Variants in GATA4 observed in about 807,000 individuals in gnomAD.
GATA4 encodes the protein GATA binding protein 4.
Under a neutral mutation model 37.9 loss-of-function variants are expected in GATA4, and 7 were observed. The observed-to-expected ratio is 0.18, with a 90% CI of 0.11 to 0.35. The LOEUF is 0.35. GATA4 is among the 10% of genes least tolerant of loss of function. The pLI is 1.00. For synonymous variants in GATA4, 372 were observed against 292.6 expected, an observed-to-expected ratio of 1.27 and a Z score of -2.77; for missense variants, 647 against 653.0, an observed-to-expected ratio of 0.99 and a Z score of 0.10.
Position 11,708,417 on chromosome 8 carries a change from G to T in GATA4, c.105G>T (p.Ser35=), listed in dbSNP as rs1799996550. 2.0e-6 allele frequency: 3 copies of T among 1,537,568 alleles called. No homozygotes were observed. The highest frequency in any genetic ancestry group is 2.6e-6 in the Non-Finnish European group (3 of 1,148,132). The change falls in exon 2 of 7, where the codon TCG becomes TCT. Residue 35 remains serine, a synonymous_variant. Coordinates refer to ENST00000532059, the MANE Select transcript of GATA4 (RefSeq NM_001308093.3). The surrounding 1 kb of genome is among the most constrained non-coding windows in gnomAD (Gnocchi z 6.7). ...TGCACGGCGCGGGCGCCGCGTCCTC[G>T]CCAGTCTACGTGCCCACACCGCGGG... ...AFMHGAGAAS[S]PVYVPTPRVP...
intron 2 of GATA4, among the ~76,000 whole-genome samples, chr8:11,719,945 C>T (rs750929057): frequency 4.1e-4 from 62 of 152,086 alleles, no homozygotes; most frequent in Non-Finnish European, 4.3e-4. Flanking sequence ...GTCCTTGAAG[C>T]GAGGTGCCCC....
intron 2 of GATA4, among the ~76,000 whole-genome samples, chr8:11,741,955 C>T (rs924339920): frequency 4.6e-5 from 7 of 152,224 alleles, no homozygotes; most frequent in African/African-American, 9.6e-5. Flanking sequence ...CGCTGGCCTG[C>T]GGTTAAGAGA....
intron 2 of GATA4, among the ~76,000 whole-genome samples, chr8:11,746,506 G>A (rs1260113093): frequency 1.3e-5 from 2 of 152,236 alleles, no homozygotes; most frequent in African/African-American, 4.8e-5. Context: ...TTTTGAGATG[G>A]TAGCGCCACC....
At chr8:11,728,589 C>T (rs1272686642) in intron 2 of GATA4, among the ~76,000 whole-genome samples, 1 of 151,868 alleles carries the variant, frequency 6.6e-6, no homozygotes. Flanking sequence ...TGCTCTGTTG[C>T]CCAGGCTGGA....
At chr8:11,695,305 C>T (rs962535876) in intron 1 of GATA4, among the ~76,000 whole-genome samples, 19 of 152,062 alleles carry the variant, frequency 1.2e-4, no homozygotes, top group African/African-American at 4.6e-4. Context: ...ACTTGGGAGG[C>T]TGAGGCAGGA....
chr8:11,679,173 T>A (rs1798872498), intron 1 of GATA4, among the ~76,000 whole-genome samples: 1 of 47,784 alleles, frequency 2.1e-5, no homozygotes, highest in Non-Finnish European at 6.4e-5. Context: ...ATTATCCGAA[T>A]AATTGCGGGG....
chr8:11,696,867 T>C (rs1585571388), intron 1 of GATA4, among the ~76,000 whole-genome samples: 2 of 152,214 alleles, frequency 1.3e-5, no homozygotes, highest in East Asian at 3.8e-4. Context: ...CTCTACCTGT[T>C]CTGAGCCCAC....
At position 11,756,897 on chromosome 8, in the gene GATA4, G is replaced by T. The variant is rs1236927296; in HGVS notation, c.1001-38G>T. 3 of 1,614,020 alleles carry T rather than the reference G, an allele frequency of 1.9e-6. No individual in the cohort carries two copies. The African/African-American group carries it at 4.0e-5, about 22-fold the overall frequency. On this transcript the variant is annotated intron_variant, in intron 5 of 6. Transcript: ENST00000532059. ...GGCTGCCGGCTGTTCGTTTGTCCCT[G>T]CCGCTGATTTGGGTGTGCTGACTCT...
chr8:11,701,244 G>T, upstream of GATA4, among the ~76,000 whole-genome samples: 1 of 126,398 alleles, frequency 7.9e-6, no homozygotes, highest in African/African-American at 3.2e-5. Context: ...CAGGTTCTTA[G>T]AAAAAAAAAA....
chr8:11,709,585 G>GA lies in GATA4; in HGVS notation c.616+657_616+658insA, dbSNP rs1800079005. The stretch of plus-strand genomic sequence containing the variant: ...GCATCATGCGGGCAGCGGGGGGGGG[G>GA]GCGCACACGCCCGGTCAGTGTCCGG... On this transcript the variant is annotated intron_variant, in intron 2 of 6. Coordinates refer to ENST00000532059, the MANE Select transcript of GATA4 (RefSeq NM_001308093.3). This position sits in a 1 kb window ranked among gnomAD's most constrained non-coding sequence, Gnocchi z 4.3. Among the ~76,000 whole-genome samples the GA allele has an allele frequency of 7.1e-6, 1 of 140,026 alleles. No individual in the cohort carries two copies. The highest frequency in any genetic ancestry group is 1.5e-5 in the Non-Finnish European group (1 of 64,950). The allele number at this position is 140,026 out of a possible 152,430, so 91.9% of individuals were successfully genotyped here.
intron 2 of GATA4, among the ~76,000 whole-genome samples, chr8:11,734,177 A>G (rs1398047206): frequency 6.6e-6 from 1 of 152,234 alleles, no homozygotes; most frequent in East Asian, 1.9e-4. Context: ...TCCTAGATAC[A>G]CTTTTCTCAT....
chr8:11,712,408 C>A (rs1381553483), intron 2 of GATA4, among the ~76,000 whole-genome samples: 1 of 152,136 alleles, frequency 6.6e-6, no homozygotes, highest in African/African-American at 2.4e-5. Flanking sequence ...GGAGAAGCAG[C>A]ATCATTCTTC....
chr8:11,755,909 T>TA (rs34801514), intron 5 of GATA4, among the ~76,000 whole-genome samples: 54,515 of 143,648 alleles, frequency 0.38, 10,982 homozygotes, highest in East Asian at 0.54. Context: ...ACCCTGTCTT[T>TA]AAAAAAAAAA....
intron 1 of GATA4, among the ~76,000 whole-genome samples, chr8:11,682,634 A>G (rs1380688007): frequency 6.6e-6 from 1 of 152,232 alleles, no homozygotes; most frequent in African/African-American, 2.4e-5. Flanking sequence ...ACTTTCCTTG[A>G]AGAAACAAAA....
chr8:11,679,790 C>A (rs1418401653), intron 1 of GATA4, among the ~76,000 whole-genome samples: 1 of 152,084 alleles, frequency 6.6e-6, no homozygotes, highest in Non-Finnish European at 1.5e-5. Flanking sequence ...AGATGGAGAC[C>A]CCCGAATAAT....
rs528525788 is a variant in GATA4, at chr8:11,680,522, G to T, written c.-274+3459G>T. On this transcript the variant is annotated intron_variant, in intron 1 of 6. Transcript: ENST00000528712. ...GGCGCCACATGGGCCAGGTCACCTC[G>T]GACGGGTGTCGCGCCGACGTCCTTC... is the stretch of plus-strand genomic sequence containing the variant. 10 of 985,468 alleles carry T rather than the reference G, an allele frequency of 1.0e-5. No individual in the cohort carries two copies. The South Asian group carries it at 4.7e-4, about 46-fold the overall frequency. The allele number at this position is 985,468 out of a possible 1,614,324, so 61.0% of individuals were successfully genotyped here.
chr8:11,736,635 A>C (rs550480399), intron 2 of GATA4, among the ~76,000 whole-genome samples: 1 of 152,362 alleles, frequency 6.6e-6, no homozygotes, highest in African/African-American at 2.4e-5. Flanking sequence ...GGTGGGCAGA[A>C]GGCGGAGCCA....
At chr8:11,717,434 A>T (rs965259127) in intron 2 of GATA4, among the ~76,000 whole-genome samples, 2 of 152,192 alleles carry the variant, frequency 1.3e-5, no homozygotes, top group Admixed American at 1.3e-4. Flanking sequence ...CAAGAGGTAG[A>T]TACGATGATC....
chr8:11,693,964 G>A (rs1456601411), intron 1 of GATA4, among the ~76,000 whole-genome samples: 1 of 152,156 alleles, frequency 6.6e-6, no homozygotes, highest in Admixed American at 6.5e-5. Context: ...TCCAGAAAGA[G>A]TACTAGGTAA....
Sources: gnomAD v4.1 joint callset for allele counts (sites outside exome capture counted in the v4.1 genomes callset) on GRCh38, gnomAD v4.1.1 for gene constraint, Gnocchi (gnomAD v3.1) non-coding constraint, MANE v1.5 for transcripts, NCBI Gene and HGNC (gene_info 2026-07-23, HGNC 2026-07-21) for gene names.